The following CD47 variants were observed in gnomAD, a reference collection of about 807,000 sequenced individuals.
CD47 encodes the protein leukocyte surface antigen CD47.
CD47 carries 11 observed loss-of-function variants against 44.6 expected under a neutral mutation model. The ratio of observed to expected loss-of-function variants is 0.25; its 90% CI spans 0.16 to 0.41. The LOEUF is 0.41. Ranked by LOEUF, CD47 falls within the 10% of genes least tolerant of loss-of-function variation. The pLI is 1.00. For missense variants in CD47, 306 were observed against 386.7 expected (o/e 0.79, Z 1.75); for synonymous variants, 140 against 136.3 (o/e 1.03, Z -0.19).
chr3:108,047,268 A>T lies in CD47; in HGVS notation c.*20T>A. 2 of 1,600,978 alleles carry T rather than the reference A, an allele frequency of 1.2e-6. No individual in the cohort carries two copies. Among genetic ancestry groups the T allele is most frequent in the African/African-American group, 2.7e-5 (2 of 74,816 alleles). Reference sequence around the variant, plus strand: ...CACGTCTTACTACTCTCCAAATCGGAGTCCATCACTTCACTTCAGTTATTC... The same window carrying T: ...CACGTCTTACTACTCTCCAAATCGGTGTCCATCACTTCACTTCAGTTATTC... On this transcript the variant is annotated 3_prime_UTR_variant, in exon 11 of 11. Coordinates refer to ENST00000361309, the MANE Select transcript of CD47 (RefSeq NM_001777.4).
At chr3:108,067,030 C>A (rs1169591223) in intron 3 of CD47, among the ~76,000 whole-genome samples, 1 of 152,166 alleles carries the variant, frequency 6.6e-6, no homozygotes, top group Non-Finnish European at 1.5e-5. Flanking sequence ...TTCACCAAGC[C>A]ATAGAGAAGA....
At chr3:108,059,565 T>C in intron 4 of CD47, 21 bp from the exon 5 acceptor site, 2 of 1,213,012 alleles carry the variant, frequency 1.6e-6, no homozygotes, top group South Asian at 2.9e-5. Flanking sequence ...ATAAAAACAT[T>C]TAAAATATTT....
chr3:108,078,576 T>C (rs2079354626), intron 2 of CD47, among the ~76,000 whole-genome samples: 1 of 151,444 alleles, frequency 6.6e-6, no homozygotes, highest in Non-Finnish European at 1.5e-5. Context: ...TTGCAGTGGA[T>C]ATGACTGACT....
intron 3 of CD47, among the ~76,000 whole-genome samples, chr3:108,066,935 AC>A (rs2079113886): frequency 1.3e-5 from 2 of 152,220 alleles, no homozygotes; most frequent in South Asian, 4.1e-4. Flanking sequence ...ATTCAAAAAA[AC>A]ATTAAAGGAA....
chr3:108,070,729 C>G (rs1284990941), intron 3 of CD47, among the ~76,000 whole-genome samples: 1 of 152,142 alleles, frequency 6.6e-6, no homozygotes, highest in Non-Finnish European at 1.5e-5. Flanking sequence ...TAACGTCCTA[C>G]CTTAAAACTA....
intron 1 of CD47, among the ~76,000 whole-genome samples, chr3:108,085,736 C>A (rs1382040276): frequency 6.6e-6 from 1 of 152,066 alleles, no homozygotes; most frequent in African/African-American, 2.4e-5. Flanking sequence ...AACACAGGGT[C>A]CAGAAAGTAG....
rs2078706412 is a variant in CD47, at chr3:108,045,417, C to T, written c.*1871G>A. On this transcript the variant is annotated 3_prime_UTR_variant, in exon 11 of 11. Coordinates refer to ENST00000361309, the MANE Select transcript of CD47 (RefSeq NM_001777.4). The stretch of plus-strand genomic sequence containing the variant: ...ATATTTTCAGAAGGAAAAAGTGCTG[C>T]AGGAGCCATCAGATTTGTATAAAGG... 1 of 152,518 alleles carries T rather than the reference C, an allele frequency of 6.6e-6. No homozygotes were observed. Among genetic ancestry groups the T allele is most frequent in the African/African-American group, 2.4e-5 (1 of 41,404 alleles). The allele number at this position is 152,518 out of a possible 1,614,324, so 9.4% of individuals were successfully genotyped here. A position where few individuals can be genotyped will look rare whatever the true frequency, so the allele number is the denominator to read the frequency against.
intron 7 of CD47, among the ~76,000 whole-genome samples, chr3:108,055,060 G>C (rs1019590926): frequency 6.6e-6 from 1 of 151,812 alleles, no homozygotes; most frequent in Non-Finnish European, 1.5e-5. Flanking sequence ...AAATTAAAAT[G>C]CTTCCAATAA....
chr3:108,054,200 T>C (rs1353920246), intron 7 of CD47: 1 of 152,154 alleles, frequency 6.6e-6, no homozygotes, highest in Non-Finnish European at 1.5e-5. Flanking sequence ...CTGGTCAACA[T>C]AATGAGACCC....
chr3:108,072,779 T>C (rs1353956649), intron 2 of CD47, among the ~76,000 whole-genome samples: 2 of 152,194 alleles, frequency 1.3e-5, no homozygotes, highest in Non-Finnish European at 2.9e-5. Context: ...TAAGGCTGTA[T>C]GGTCTAATAG....
At chr3:108,062,446 C>T (rs2079030585) in intron 3 of CD47, among the ~76,000 whole-genome samples, 1 of 152,040 alleles carries the variant, frequency 6.6e-6, no homozygotes, top group South Asian at 2.1e-4. Context: ...GAAAGTTCTG[C>T]AAAGGGTTAT....
chr3:108,088,138 T>C (rs1042242567), intron 1 of CD47, among the ~76,000 whole-genome samples: 3 of 152,194 alleles, frequency 2.0e-5, no homozygotes, highest in Non-Finnish European at 4.4e-5. Context: ...GGGAAAGTGA[T>C]TGAAAATTAT....
In CD47 at chr3:108,045,712, C is replaced by G. The variant is rs556822833; in HGVS notation, c.*1576G>C. On this transcript the variant is annotated 3_prime_UTR_variant, in exon 11 of 11. Transcript: ENST00000361309. ...GCATAAAAGAGGCACACGGGAACAT[C>G]TGATGGACTAAGAAATAACTATTAT... The G allele has an allele frequency of 2.0e-4, 30 of 152,584 alleles. No individual in the cohort carries two copies. The highest frequency in any genetic ancestry group is 7.0e-4 in the African/African-American group (29 of 41,520). The allele number at this position is 152,584 out of a possible 1,614,324, so 9.5% of individuals were successfully genotyped here. A position where few individuals can be genotyped will look rare whatever the true frequency, so the allele number is the denominator to read the frequency against.
intron 8 of CD47, among the ~76,000 whole-genome samples, chr3:108,051,565 T>C (rs1210581691): frequency 6.6e-6 from 1 of 152,232 alleles, no homozygotes; most frequent in Non-Finnish European, 1.5e-5. Flanking sequence ...TATAGATTTC[T>C]CCTCATTTTT....
chr3:108,060,604 T>C, intron 4 of CD47, 141 bp downstream of exon 4: 1 of 607,148 alleles, frequency 1.6e-6, no homozygotes, highest in Non-Finnish European at 3.0e-6. Flanking sequence ...GCCTCCAGCA[T>C]GGAAAGGGAA....
intron 3 of CD47, among the ~76,000 whole-genome samples, chr3:108,066,699 A>C (rs1215595063): frequency 6.6e-6 from 1 of 152,222 alleles, no homozygotes; most frequent in Non-Finnish European, 1.5e-5. Context: ...ATAAAAACTG[A>C]CAAATGCTAG....
rs2078712581 is a variant in CD47 at position 108,045,795 on chromosome 3, T to C, written c.*1493A>G. 1.3e-5 allele frequency: 2 copies of C among 152,270 alleles called. No homozygotes were observed. 9.4% of individuals were successfully genotyped at this position (152,270 alleles called of 1,614,324 possible). A position where few individuals can be genotyped will look rare whatever the true frequency, so the allele number is the denominator to read the frequency against. On this transcript the variant is annotated 3_prime_UTR_variant, in exon 11 of 11. Transcript: ENST00000361309. ...ACAAACAGGAAGAATTACGTATTTT[T>C]ACAGGGTATTGGTGAGCAGTCAAAA...
In CD47 at chr3:108,090,955, G is replaced by A. The variant is rs1388881365; in HGVS notation, c.-47C>T. ...GCCGCCGCCGCCGCAGGTGTCCGGA[G>A]CAGCAGCCGCCGCCGCCGTTACAGG... On this transcript the variant is annotated 5_prime_UTR_variant, in exon 1 of 11. Coordinates refer to ENST00000361309, the MANE Select transcript of CD47 (RefSeq NM_001777.4). The A allele has an allele frequency of 1.5e-6, 2 of 1,354,244 alleles. No individual in the cohort carries two copies. Among genetic ancestry groups the A allele is most frequent in the Non-Finnish European group, 1.9e-6 (2 of 1,027,746 alleles). The allele number at this position is 1,354,244 out of a possible 1,614,324, so 83.9% of individuals were successfully genotyped here.
chr3:108,080,405 G>T, intron 1 of CD47, 61 bp from the exon 2 acceptor site: 2 of 834,822 alleles, frequency 2.4e-6, no homozygotes, highest in South Asian at 1.7e-5. Flanking sequence ...AAGATCTTAG[G>T]CATGTTACAA....
Sources: allele counts gnomAD v4.1 joint callset (sites outside exome capture counted in the v4.1 genomes callset), GRCh38; gene constraint gnomAD v4.1.1; transcripts MANE v1.5; gene names NCBI Gene and HGNC (gene_info 2026-07-23, HGNC 2026-07-21).